Variants in GLYATL1B observed in about 807,000 individuals in gnomAD.
GLYATL1B encodes the protein glycine-N-acyltransferase like 1B, also known as putative glycine N-acyltransferase-like protein 1B.
A neutral mutation model predicts 5.5 loss-of-function variants in GLYATL1B; 6 were observed. That is an observed-to-expected ratio of 1.09 (90% CI 0.60 to 2.15). The LOEUF is 2.15. Among genes scored for constraint, GLYATL1B ranks in the 30% most tolerant of loss-of-function variants. The probability of loss-of-function intolerance (pLI) is 0.00; values close to 1 mark genes in which losing one functional copy is unlikely to be tolerated. For synonymous variants in GLYATL1B, 67 were observed against 34.9 expected, an observed-to-expected ratio of 1.92 and a Z score of -3.24; for missense variants, 135 against 94.1, an observed-to-expected ratio of 1.43 and a Z score of -1.80.
At position 59,087,502 on chromosome 11, in the gene GLYATL1B, T is replaced by C. The variant is rs917423213; in HGVS notation, c.186+331T>C. ...AGGGAAAGTTGGCTGTCTGAGATATTGGAACAGTGACTTAGAACCAAAAAC... is the reference window on the plus strand; with the variant it reads ...AGGGAAAGTTGGCTGTCTGAGATATCGGAACAGTGACTTAGAACCAAAAAC... On this transcript the variant is annotated intron_variant, in intron 2 of 4. Coordinates refer to ENST00000527482, the MANE Select transcript of GLYATL1B (RefSeq NM_001355566.1). Among the ~76,000 whole-genome samples the C allele has an allele frequency of 1.1e-4, 16 of 152,088 alleles. No individual in the cohort carries two copies. The South Asian group carries it at 1.2e-3, about 12-fold the overall frequency.
intron 2 of GLYATL1B, among the ~76,000 whole-genome samples, chr11:59,090,249 T>C (rs1022211354): frequency 4.6e-5 from 7 of 152,046 alleles, no homozygotes; most frequent in African/African-American, 1.7e-4. Flanking sequence ...TTTTCTTGCT[T>C]TCCTATTTCT....
chr11:59,087,097 A>G lies in GLYATL1B; in HGVS notation c.112A>G (p.Asn38Asp), dbSNP rs150429450. The G allele has an allele frequency of 0.018, 12,537 of 680,488 alleles. 184 individuals carry two copies. Among genetic ancestry groups the G allele is most frequent in the Middle Eastern group, 0.032 (127 of 4,026 alleles). 42.2% of individuals were successfully genotyped at this position (680,488 alleles called of 1,614,324 possible). A position where few individuals can be genotyped will look rare whatever the true frequency, so the allele number is the denominator to read the frequency against. The change falls in exon 2 of 5, where the codon AAC becomes GAC. Residue 38 changes from asparagine to aspartate, a missense_variant. Transcript: ENST00000527482. ...CTCTCTGTTTCACATCAATCACGGG[A>G]ACCCCTTCAACATGGAAGTGTTGGT... ...YGSLFHINHG[N>D]PFNMEVLVDS...
At chr11:59,091,244 C>A (rs1395662279) in intron 2 of GLYATL1B, among the ~76,000 whole-genome samples, 3 of 152,006 alleles carry the variant, frequency 2.0e-5, no homozygotes, top group Non-Finnish European at 4.4e-5. Flanking sequence ...AGGATATTTT[C>A]ATCTGTTACC....
At chr11:59,089,848 C>T (rs1408314570) in intron 2 of GLYATL1B, among the ~76,000 whole-genome samples, 1 of 152,076 alleles carries the variant, frequency 6.6e-6, no homozygotes, top group African/African-American at 2.4e-5. Context: ...ATCTTTTTCA[C>T]TATGATTCCT....
intron 2 of GLYATL1B, among the ~76,000 whole-genome samples, chr11:59,090,154 T>C (rs1024342648): frequency 1.1e-4 from 17 of 152,182 alleles, no homozygotes; most frequent in Admixed American, 7.8e-4. Context: ...TATTTCTGTA[T>C]TTGTTTCTAA....
intron 2 of GLYATL1B, among the ~76,000 whole-genome samples, chr11:59,089,847 A>T (rs1357771154): frequency 2.6e-5 from 4 of 152,092 alleles, no homozygotes. Context: ...TATCTTTTTC[A>T]CTATGATTCC....
chr11:59,087,533 C>G (rs753193121), intron 2 of GLYATL1B, among the ~76,000 whole-genome samples: 9 of 152,040 alleles, frequency 5.9e-5, no homozygotes, highest in Non-Finnish European at 1.0e-4. Flanking sequence ...AAAACCAAGG[C>G]AGTAGTCTAC....
rs865899294 is a variant in GLYATL1B, at chr11:59,093,404, A to C, written c.187-125A>C. ...CTCACTTATATTATCCACGTGCCCA[A>C]CTGCAGCCATCGTGGGCTAGTGCTA... On this transcript the variant is annotated intron_variant, in intron 2 of 4. Transcript: ENST00000527482. 6.1e-5 allele frequency: 24 copies of C among 394,452 alleles called. No individual in the cohort carries two copies. In the Middle Eastern group the frequency reaches 2.7e-3, roughly 44 times the overall value. 24.4% of individuals were successfully genotyped at this position (394,452 alleles called of 1,614,324 possible).
At chr11:59,091,283 G>A (rs1487864715) in intron 2 of GLYATL1B, among the ~76,000 whole-genome samples, 3 of 152,054 alleles carry the variant, frequency 2.0e-5, no homozygotes, top group Non-Finnish European at 4.4e-5. Context: ...TATGTGTTTG[G>A]TTTTGCCTTA....
chr11:59,086,781 G>T lies in GLYATL1B; in HGVS notation c.79-283G>T, dbSNP rs1859201849. 2.6e-5 allele frequency among the ~76,000 whole-genome samples: 4 copies of T among 152,242 alleles called. No individual in the cohort carries two copies. The South Asian group carries it at 6.2e-4, about 24-fold the overall frequency. ...GTACCTACCTCTTAAAGTTGTTGTG[G>T]ACACTGAATGAATCCATACAATATA... On this transcript the variant is annotated intron_variant, in intron 1 of 4. Transcript: ENST00000527482.
Position 59,094,032 on chromosome 11 carries a change from A to T in GLYATL1B, c.412A>T (p.Ile138Phe). The change falls in exon 4 of 5, where the codon ATC becomes TTC. Residue 138 changes from isoleucine (I) to phenylalanine (F), a missense_variant. Ile to Phe is a conservative substitution (Grantham distance 21). Transcript: ENST00000527482. ...AGCACTCCTCTTTGTTACGGAAGAT[A>T]TCCTGAAGCTCTATGCCACCAATAA... ...SRALLFVTED[I>F]LKLYATNKSK... 1 of 690,204 alleles carries T rather than the reference A, an allele frequency of 1.4e-6. No homozygotes were observed. The highest frequency in any genetic ancestry group is 2.6e-6 in the Non-Finnish European group (1 of 378,750). 42.8% of individuals were successfully genotyped at this position (690,204 alleles called of 1,614,324 possible). A position where few individuals can be genotyped will look rare whatever the true frequency, so the allele number is the denominator to read the frequency against.
At chr11:59,086,655 T>C (rs1371769822) in intron 1 of GLYATL1B, among the ~76,000 whole-genome samples, 2 of 152,204 alleles carry the variant, frequency 1.3e-5, no homozygotes, top group Non-Finnish European at 2.9e-5. Context: ...TCAATAAATA[T>C]GCATTGCAAG....
At chr11:59,091,692 C>A (rs933350681) in intron 2 of GLYATL1B, among the ~76,000 whole-genome samples, 6 of 152,074 alleles carry the variant, frequency 3.9e-5, no homozygotes, top group African/African-American at 1.4e-4. Context: ...GCCATTCGAC[C>A]CAGCAATGCC....
intron 3 of GLYATL1B, 66 bp from the exon 4 acceptor site, chr11:59,093,868 C>A: frequency 1.8e-6 from 1 of 553,972 alleles, no homozygotes; most frequent in South Asian, 3.6e-5. Flanking sequence ...AGGCATTAAT[C>A]AGGTGTGAGC....
intron 2 of GLYATL1B, among the ~76,000 whole-genome samples, chr11:59,091,531 C>A (rs1002066078): frequency 6.6e-6 from 1 of 152,178 alleles, no homozygotes; most frequent in Non-Finnish European, 1.5e-5. Context: ...GTCTATTGTT[C>A]TCACATTTAT....
At chr11:59,087,291 C>T (rs954516124) in intron 2 of GLYATL1B, 120 bp downstream of exon 2, 4 of 432,472 alleles carry the variant, frequency 9.2e-6, no homozygotes, top group African/African-American at 8.0e-5. Flanking sequence ...TTTTAAAACA[C>T]TCCTTCAGTA....
chr11:59,094,144 G>C (rs1158817420), intron 4 of GLYATL1B, 33 bp downstream of exon 4: 1 of 560,910 alleles, frequency 1.8e-6, no homozygotes, highest in African/African-American at 1.9e-5. Flanking sequence ...ATTTATAATT[G>C]CTATTCCTTG....
chr11:59,088,012 A>AT (rs1345770916), intron 2 of GLYATL1B, among the ~76,000 whole-genome samples: 1 of 152,206 alleles, frequency 6.6e-6, no homozygotes, highest in African/African-American at 2.4e-5. Flanking sequence ...AACACTGAGA[A>AT]ATATTCAGTC....
At chr11:59,092,812 T>C (rs978019388) in intron 2 of GLYATL1B, among the ~76,000 whole-genome samples, 6 of 152,214 alleles carry the variant, frequency 3.9e-5, no homozygotes, top group African/African-American at 1.4e-4. Context: ...GTAAAGGCCA[T>C]GTCACTCTTC....
Sources: gnomAD v4.1 joint callset for allele counts (sites outside exome capture counted in the v4.1 genomes callset) on GRCh38, gnomAD v4.1.1 for gene constraint, MANE v1.5 for transcripts, NCBI Gene and HGNC (gene_info 2026-07-23, HGNC 2026-07-21) for gene names.